Variants in SKI observed in about 807,000 individuals in gnomAD.
SKI encodes ski oncogene.
SKI carries 23 observed loss-of-function variants against 59.3 expected under a neutral mutation model. The ratio of observed to expected loss-of-function variants is 0.39; its 90% CI spans 0.28 to 0.55. SKI has a LOEUF of 0.55. Among genes scored for constraint, SKI ranks in the 20% least tolerant of loss-of-function variants. The pLI, the probability that SKI is intolerant of heterozygous loss-of-function variation, is 0.67. For missense variants in SKI, 1,017 were observed against 1,038.9 expected (o/e 0.98, Z 0.29); for synonymous variants, 673 against 488.6 (o/e 1.38, Z -4.98).
chr1:2,269,622 G>A lies in SKI; in HGVS notation c.970-33356G>A, dbSNP rs1639573922. On this transcript the variant is annotated intron_variant, in intron 1 of 6. Transcript: ENST00000378536. The surrounding 1 kb of genome is among the most constrained non-coding windows in gnomAD (Gnocchi z 4.7). ...GTGGGCAGAAGCCAACTTTGGAATC[G>A]CCTCATGGCTGGCCCTGGACCTCTC... is the stretch of plus-strand genomic sequence containing the variant. 1.3e-5 allele frequency among the ~76,000 whole-genome samples: 2 copies of A among 152,352 alleles called. No homozygotes were observed. The highest frequency in any genetic ancestry group is 2.1e-4 in the South Asian group (1 of 4,830).
At chr1:2,271,725 G>GT (rs941397301) in intron 1 of SKI, among the ~76,000 whole-genome samples, 3 of 151,860 alleles carry the variant, frequency 2.0e-5, no homozygotes, top group Non-Finnish European at 4.4e-5. Flanking sequence ...CCCTGGGGGG[G>GT]GGTAGGGGGC....
chr1:2,277,050 T>A (rs1300498646), intron 1 of SKI, among the ~76,000 whole-genome samples: 1 of 152,182 alleles, frequency 6.6e-6, no homozygotes, highest in Non-Finnish European at 1.5e-5. Context: ...CTGGGATTCC[T>A]CTCATTTGGG....
At chr1:2,234,582 C>T (rs1022676122) in intron 1 of SKI, among the ~76,000 whole-genome samples, 9 of 152,216 alleles carry the variant, frequency 5.9e-5, no homozygotes, top group South Asian at 2.1e-4. Flanking sequence ...TTAGGTTAGG[C>T]CTTCACTGCT....
At chr1:2,246,943 C>T (rs1308467453) in intron 1 of SKI, among the ~76,000 whole-genome samples, 1 of 152,200 alleles carries the variant, frequency 6.6e-6, no homozygotes, top group Non-Finnish European at 1.5e-5. Flanking sequence ...TGGGCACAGG[C>T]CGGGCACGGT....
rs1640305920 is a variant in SKI at position 2,297,166 on chromosome 1, G to A, written c.970-5812G>A. On this transcript the variant is annotated intron_variant, in intron 1 of 6. Transcript: ENST00000378536. ...GTGTTGCTCAGGCTGGAGTGTAGTG[G>A]TGGGATCATACCTCACTGCAGCCTC... is the stretch of plus-strand genomic sequence containing the variant. 2.0e-5 allele frequency among the ~76,000 whole-genome samples: 3 copies of A among 152,060 alleles called. No individual in the cohort carries two copies. The South Asian group carries it at 6.2e-4, about 31-fold the overall frequency.
In SKI at chr1:2,306,244, G is replaced by A. The variant is rs1053526140; in HGVS notation, c.1992G>A (p.Ser664=). The stretch of plus-strand genomic sequence containing the variant: ...CGGGCCGCCTGCGCGCCAAGTACTC[G>A]GCCCAGGTATGCGGGTGGGGAGACT... The part of the protein sequence containing the change: ...CEAGRLRAKY[S]AQIEDLQVKL... Residue 664 remains serine (S), a synonymous_variant, in exon 6 of 7, where the codon TCG becomes TCA. Transcript: ENST00000378536. 2 of 1,553,158 alleles carry A rather than the reference G, an allele frequency of 1.3e-6. No individual in the cohort carries two copies. Among genetic ancestry groups the A allele is most frequent in the African/African-American group, 2.7e-5 (2 of 73,262 alleles).
intron 1 of SKI, among the ~76,000 whole-genome samples, chr1:2,291,433 G>A (rs1169199489): frequency 6.6e-6 from 1 of 152,186 alleles, no homozygotes; most frequent in Non-Finnish European, 1.5e-5. Context: ...CAGACTTCCC[G>A]GGGTCAGCAC....
intron 1 of SKI, among the ~76,000 whole-genome samples, chr1:2,245,744 G>A (rs1228268151): frequency 1.3e-5 from 2 of 148,630 alleles, no homozygotes; most frequent in African/African-American, 2.5e-5. Context: ...CTAAAGTGCT[G>A]GGATTACAAG....
chr1:2,274,972 C>A (rs1223462955), intron 1 of SKI, among the ~76,000 whole-genome samples: 2 of 152,192 alleles, frequency 1.3e-5, no homozygotes, highest in Admixed American at 1.3e-4. Context: ...CTGTGCTGGT[C>A]TTTCCAGGCA....
rs372950890 is a variant in SKI, at chr1:2,306,761, C to T, written c.2183C>T (p.Pro728Leu). 80 of 1,513,748 alleles carry T rather than the reference C, an allele frequency of 5.3e-5. No homozygotes were observed. The African/African-American group carries it at 6.5e-4, about 12-fold the overall frequency. 93.8% of individuals were successfully genotyped at this position (1,513,748 alleles called of 1,614,324 possible). ...AGSEGAAELE[P>L] ...AGCGAGGGCGCTGCGGAGCTGGAGC[C>T]GTAGATTCCGTGCCTGCCGCCGCAG... is the stretch of plus-strand genomic sequence containing the variant. Residue 728 changes from proline (P) to leucine (L), a missense_variant, in exon 7 of 7, where the codon CCG becomes CTG. Pro to Leu is a moderately conservative substitution (Grantham distance 98). Transcript: ENST00000378536.
rs1638561448 is a variant in SKI at position 2,228,809 on chromosome 1, C to G, written c.43C>G (p.Pro15Ala). 1 of 1,360,750 alleles carries G rather than the reference C, an allele frequency of 7.3e-7. No homozygotes were observed. Among genetic ancestry groups the G allele is most frequent in the Non-Finnish European group, 9.6e-7 (1 of 1,046,062 alleles). 84.3% of individuals were successfully genotyped at this position (1,360,750 alleles called of 1,614,324 possible). Reference sequence around the variant, plus strand: ...CGGCCGCGGCTGTTTCCAGCCGCACCCGGGGCTGCAGAAGACGCTGGAGCA... The same window carrying G: ...CGGCCGCGGCTGTTTCCAGCCGCACGCGGGGCTGCAGAAGACGCTGGAGCA... Reference protein sequence around the residue: ...AGGRGCFQPHPGLQKTLEQFH... With the variant: ...AGGRGCFQPHAGLQKTLEQFH... The change falls in exon 1 of 7, where the codon CCG becomes GCG. Residue 15 changes from proline to alanine, a missense_variant. Transcript: ENST00000378536.
Position 2,229,926 on chromosome 1 carries a change from C to T in SKI, c.969+191C>T, listed in dbSNP as rs1182226884. Among the ~76,000 whole-genome samples the T allele has an allele frequency of 6.6e-6, 1 of 152,194 alleles. No homozygotes were observed. The highest frequency in any genetic ancestry group is 1.5e-5 in the Non-Finnish European group (1 of 68,034). ...GGCCAGAGAGTTTGGTAGGAAGGCC[C>T]TCCTGCCCGTTCCCCAGGACGAGCC... On this transcript the variant is annotated intron_variant, in intron 1 of 6. Coordinates refer to ENST00000378536, the MANE Select transcript of SKI (RefSeq NM_003036.4). The surrounding 1 kb of genome is among the most constrained non-coding windows in gnomAD (Gnocchi z 6.3).
intron 1 of SKI, among the ~76,000 whole-genome samples, chr1:2,278,004 T>A (rs941059945): frequency 2.0e-5 from 3 of 151,990 alleles, no homozygotes; most frequent in African/African-American, 7.3e-5. Context: ...GATGCACACA[T>A]CAGTACCATG....
intron 1 of SKI, among the ~76,000 whole-genome samples, chr1:2,299,142 CCAG>C (rs1640360817): frequency 6.6e-6 from 1 of 152,260 alleles, no homozygotes; most frequent in African/African-American, 2.4e-5. Context: ...CGCCGAGTGG[CCAG>C]CAGGGCGGGG....
At chr1:2,272,416 C>T (rs1442838375) in intron 1 of SKI, among the ~76,000 whole-genome samples, 1 of 152,226 alleles carries the variant, frequency 6.6e-6, no homozygotes, top group Non-Finnish European at 1.5e-5. Flanking sequence ...TCCACAGGAG[C>T]CCTCCGCTGG....
At chr1:2,236,915 C>T (rs1638760406) in intron 1 of SKI, among the ~76,000 whole-genome samples, 2 of 152,214 alleles carry the variant, frequency 1.3e-5, no homozygotes, top group South Asian at 4.1e-4. Flanking sequence ...AAAGAAACAG[C>T]TCCTGTTCTA....
chr1:2,234,566 C>T (rs1031742711), intron 1 of SKI, among the ~76,000 whole-genome samples: 1 of 152,180 alleles, frequency 6.6e-6, no homozygotes, highest in African/African-American at 2.4e-5. Context: ...GGGCCACAGC[C>T]CCAGCTTAGG....
At chr1:2,251,198 T>C (rs528019102) in intron 1 of SKI, among the ~76,000 whole-genome samples, 3 of 152,014 alleles carry the variant, frequency 2.0e-5, no homozygotes, top group Non-Finnish European at 2.9e-5. Context: ...TCGGAAAGAG[T>C]CACTTACTGT....
At chr1:2,254,276 G>A (rs1434560958) in intron 1 of SKI, among the ~76,000 whole-genome samples, 3 of 152,180 alleles carry the variant, frequency 2.0e-5, no homozygotes, top group African/African-American at 4.8e-5. Context: ...GGCCCAACTG[G>A]TCTCCATGCG....
Sources: gnomAD v4.1 joint callset for allele counts (sites outside exome capture counted in the v4.1 genomes callset) on GRCh38, gnomAD v4.1.1 for gene constraint, Gnocchi (gnomAD v3.1) non-coding constraint, MANE v1.5 for transcripts, NCBI Gene and HGNC (gene_info 2026-07-23, HGNC 2026-07-21) for gene names.